The following TPCN2 variants were observed in gnomAD, a reference collection of about 807,000 sequenced individuals.
The protein encoded by TPCN2 is two pore channel protein 2.
TPCN2 carries 92 observed loss-of-function variants against 111.4 expected under a neutral mutation model. The ratio of observed to expected loss-of-function variants is 0.83; its 90% CI spans 0.70 to 0.98. The LOEUF is 0.98. TPCN2 is among the 50% of genes least tolerant of loss of function. TPCN2 has a pLI of 0.00. For missense variants in TPCN2, 995 were observed against 980.1 expected (o/e 1.02, Z -0.20); for synonymous variants, 405 against 414.5 (o/e 0.98, Z 0.28).
chr11:69,085,417 C>A, intron 20 of TPCN2, 131 bp downstream of exon 20: 2 of 924,374 alleles, frequency 2.2e-6, no homozygotes, highest in South Asian at 1.4e-5. Flanking sequence ...TTCGTCTCCT[C>A]CCTCCACCCC....
intron 7 of TPCN2, among the ~76,000 whole-genome samples, chr11:69,066,461 G>A (rs1380459430): frequency 6.6e-6 from 1 of 152,192 alleles, no homozygotes; most frequent in Admixed American, 6.5e-5. Flanking sequence ...GCAGACTGTG[G>A]AGTCTTCACC....
intron 16 of TPCN2, 64 bp downstream of exon 16, chr11:69,079,084 G>A (rs1855903015): frequency 1.3e-6 from 2 of 1,539,964 alleles, no homozygotes; most frequent in East Asian, 2.3e-5. Context: ...CCTGGGCTCT[G>A]TGCTGGCCCA....
rs1211449827 is a variant in TPCN2 at position 69,055,247 on chromosome 11, G to A, written c.324G>A (p.Thr108=). ...FIETPSSLTS[T]ADVRYRAAPW... ...AGACCCCATCCTCACTCACCAGCAC[G>A]GCGGACGTGCGCTACCGCGCTGCTC... Residue 108 remains threonine, a synonymous_variant, in exon 4 of 25, where the codon ACG becomes ACA. Coordinates refer to ENST00000294309, the MANE Select transcript of TPCN2 (RefSeq NM_139075.4). 7.4e-6 allele frequency: 12 copies of A among 1,614,084 alleles called. No individual in the cohort carries two copies. Among genetic ancestry groups the A allele is most frequent in the African/African-American group, 1.3e-5 (1 of 74,942 alleles).
intron 2 of TPCN2, 59 bp downstream of exon 2, chr11:69,054,156 C>T (rs376983501): frequency 9.4e-5 from 139 of 1,482,000 alleles, no homozygotes; most frequent in Non-Finnish European, 1.1e-4. Flanking sequence ...CCGATTGGCT[C>T]GCCCCTCCAG....
At chr11:69,075,984 C>T (rs932941492) in intron 13 of TPCN2, among the ~76,000 whole-genome samples, 5 of 152,138 alleles carry the variant, frequency 3.3e-5, no homozygotes, top group South Asian at 2.1e-4. Flanking sequence ...ACAATTTAGA[C>T]GTAATAGATA....
At chr11:69,075,607 T>C (rs1855717930) in intron 13 of TPCN2, among the ~76,000 whole-genome samples, 1 of 152,150 alleles carries the variant, frequency 6.6e-6, no homozygotes, top group Non-Finnish European at 1.5e-5. Context: ...TTGCTCAGAT[T>C]TGGGGCAGCC....
chr11:69,081,976 A>G (rs1016051164), intron 18 of TPCN2, among the ~76,000 whole-genome samples: 3 of 152,106 alleles, frequency 2.0e-5, no homozygotes, highest in African/African-American at 4.8e-5. Flanking sequence ...GTTAGGAGCA[A>G]TGGGCACCTT....
At chr11:69,051,520 G>A (rs886948783) in intron 1 of TPCN2, among the ~76,000 whole-genome samples, 5 of 152,234 alleles carry the variant, frequency 3.3e-5, no homozygotes, top group African/African-American at 4.8e-5. Context: ...TACACAGGTT[G>A]TGCAGCCTGG....
At chr11:69,086,961 C>T in intron 23 of TPCN2, 151 bp from the exon 24 acceptor site, 1 of 649,760 alleles carries the variant, frequency 1.5e-6, no homozygotes, top group Non-Finnish European at 2.6e-6. Context: ...GAGGAGCCAG[C>T]AGCCTCGTGG....
chr11:69,056,429 G>A (rs1201451548), intron 4 of TPCN2, among the ~76,000 whole-genome samples: 1 of 152,242 alleles, frequency 6.6e-6, no homozygotes, highest in Non-Finnish European at 1.5e-5. Flanking sequence ...ACTGGCAAGA[G>A]GTTGTCATTA....
rs1855602249 is a variant in TPCN2, at chr11:69,072,948, G to A, written c.1177G>A (p.Ala393Thr). ...VRSYGSVLLS[A>T]EEFQKLFNEL... ...TTCCTATGGCAGTGTTCTGCTCTCAGCTGAGGAGTTTCAGAAGCTCTTCAA... is the reference window on the plus strand; with the variant it reads ...TTCCTATGGCAGTGTTCTGCTCTCAACTGAGGAGTTTCAGAAGCTCTTCAA... The change falls in exon 13 of 25, where the codon GCT (alanine) becomes ACT (threonine). Residue 393 changes from alanine to threonine, a missense_variant. Coordinates refer to ENST00000294309, the MANE Select transcript of TPCN2 (RefSeq NM_139075.4). 6.2e-7 allele frequency: 1 copy of A among 1,613,866 alleles called. No homozygotes were observed. Among genetic ancestry groups the A allele is most frequent in the Non-Finnish European group, 8.5e-7 (1 of 1,179,904 alleles).
chr11:69,085,053 C>T (rs567328728), intron 19 of TPCN2, among the ~76,000 whole-genome samples, 157 bp from the exon 20 acceptor site: 78 of 152,282 alleles, frequency 5.1e-4, no homozygotes, highest in Middle Eastern at 6.8e-3. Context: ...AGGCCAGCTG[C>T]GTGTGTTTTG....
intron 17 of TPCN2, 68 bp from the exon 18 acceptor site, chr11:69,081,332 C>T (rs1276496894): frequency 1.8e-5 from 20 of 1,096,626 alleles, no homozygotes; most frequent in Middle Eastern, 2.5e-4. Flanking sequence ...GGAACCCGCG[C>T]GTTTCCTTGT....
intron 19 of TPCN2, chr11:69,084,841 A>T: frequency 7.2e-6 from 7 of 978,730 alleles, no homozygotes; most frequent in Non-Finnish European, 8.5e-6. Context: ...ACTGAGGCCC[A>T]GAAAGGGGAC....
rs1037094824 is a variant in TPCN2, at chr11:69,086,718, C to G, written c.2085+114C>G. The G allele has an allele frequency of 4.0e-6, 4 of 1,008,360 alleles. No homozygotes were observed. The African/African-American group carries it at 4.8e-5, about 12-fold the overall frequency. 62.5% of individuals were successfully genotyped at this position (1,008,360 alleles called of 1,614,324 possible). A position where few individuals can be genotyped will look rare whatever the true frequency, so the allele number is the denominator to read the frequency against. On this transcript the variant is annotated intron_variant, in intron 23 of 24. Coordinates refer to ENST00000294309, the MANE Select transcript of TPCN2 (RefSeq NM_139075.4). Reference sequence around the variant, plus strand: ...CTGGAACTTTGATGGGAGAGTCGTGCTGGGTTAGGCGGGTCCTGAGTGAGG... The same window carrying G: ...CTGGAACTTTGATGGGAGAGTCGTGGTGGGTTAGGCGGGTCCTGAGTGAGG...
Position 69,087,133 on chromosome 11 carries a change from C to A in TPCN2, c.2107C>A (p.Pro703Thr). ...CCAGAACTTCCTTCACAAGTGGGAC[C>A]CCCGCAGCCACCTGCAGCCCCTTGC... is the stretch of plus-strand genomic sequence containing the variant. ...ILENFLHKWD[P>T]RSHLQPLAGT... is the part of the protein sequence containing the mutation. Residue 703 changes from proline (P) to threonine (T), a missense_variant, in exon 24 of 25, where the codon CCC becomes ACC. Pro to Thr is a conservative substitution (Grantham distance 38). Coordinates refer to ENST00000294309, the MANE Select transcript of TPCN2 (RefSeq NM_139075.4). The A allele has an allele frequency of 6.2e-7, 1 of 1,613,864 alleles. No individual in the cohort carries two copies. Among genetic ancestry groups the A allele is most frequent in the Non-Finnish European group, 8.5e-7 (1 of 1,179,856 alleles).
At chr11:69,074,243 G>T (rs1029400184) in intron 13 of TPCN2, among the ~76,000 whole-genome samples, 2 of 152,222 alleles carry the variant, frequency 1.3e-5, no homozygotes, top group African/African-American at 2.4e-5. Flanking sequence ...CCCAGCCTGA[G>T]CTTGAGTGCC....
chr11:69,060,708 G>T (rs1262024275), intron 5 of TPCN2, among the ~76,000 whole-genome samples: 1 of 152,172 alleles, frequency 6.6e-6, no homozygotes, highest in Non-Finnish European at 1.5e-5. Flanking sequence ...GCTGTGCTGT[G>T]GTCTGTGTCT....
At chr11:69,079,706 G>C in intron 16 of TPCN2, 128 bp from the exon 17 acceptor site, 1 of 818,946 alleles carries the variant, frequency 1.2e-6, no homozygotes, top group Non-Finnish European at 1.9e-6. Flanking sequence ...CCAGGACCAA[G>C]CTCTGATTTC....
Sources: allele counts gnomAD v4.1 joint callset (sites outside exome capture counted in the v4.1 genomes callset), GRCh38; gene constraint gnomAD v4.1.1; transcripts MANE v1.5; gene names NCBI Gene and HGNC (gene_info 2026-07-23, HGNC 2026-07-21).